JDP2: variants seen among roughly 807,000 people sequenced by gnomAD.
The protein encoded by JDP2 is progesterone receptor co-activator.
Under a neutral mutation model 17.1 loss-of-function variants are expected in JDP2, and 9 were observed. The ratio of observed to expected loss-of-function variants is 0.53; its 90% CI spans 0.32 to 0.92. JDP2 has a LOEUF of 0.92. Among genes scored for constraint, JDP2 ranks in the 40% least tolerant of loss-of-function variants. The pLI is 0.04. For synonymous variants in JDP2, 107 were observed against 95.6 expected, an observed-to-expected ratio of 1.12 and a Z score of -0.69; for missense variants, 179 against 220.0, an observed-to-expected ratio of 0.81 and a Z score of 1.18.
At chr14:75,459,973 T>C (rs970239312) in intron 2 of JDP2, among the ~76,000 whole-genome samples, 1 of 152,196 alleles carries the variant, frequency 6.6e-6, no homozygotes, top group Non-Finnish European at 1.5e-5. Context: ...CTTGGGCAAA[T>C]TGAACTATTG....
intron 2 of JDP2, among the ~76,000 whole-genome samples, chr14:75,448,403 T>G (rs1279754585): frequency 6.6e-6 from 1 of 152,160 alleles, no homozygotes; most frequent in Admixed American, 6.5e-5. Flanking sequence ...ATTCTGATGC[T>G]CTCTGCACAT....
At chr14:75,445,162 C>T in intron 2 of JDP2, 2 of 985,124 alleles carry the variant, frequency 2.0e-6, no homozygotes, top group Middle Eastern at 5.2e-4. Context: ...GGCTGAACAA[C>T]TATGAAGCCA....
At chr14:75,468,749 C>A (rs1301836531) in intron 3 of JDP2, among the ~76,000 whole-genome samples, 1 of 152,228 alleles carries the variant, frequency 6.6e-6, no homozygotes, top group Non-Finnish European at 1.5e-5. Context: ...AGCTAGGAAG[C>A]ACATGTTTTA....
At chr14:75,434,782 G>A (rs1884984616) in intron 1 of JDP2, among the ~76,000 whole-genome samples, 1 of 152,060 alleles carries the variant, frequency 6.6e-6, no homozygotes, top group African/African-American at 2.4e-5. Flanking sequence ...TTTTTCTTGG[G>A]GTCTACTGTG....
In JDP2 at chr14:75,430,636, T is replaced by A. The variant is rs1336954490; in HGVS notation, c.-24+2384T>A. On this transcript the variant is annotated intron_variant, in intron 1 of 3. Transcript: ENST00000651602. The surrounding 1 kb of genome is among the most constrained non-coding windows in gnomAD (Gnocchi z 4.5). Reference sequence around the variant, plus strand: ...GGGTGAGAACACTGTTTTGGCTGCGTCCCGGGCCATATGCAGCGTATGGTG... The same window carrying A: ...GGGTGAGAACACTGTTTTGGCTGCGACCCGGGCCATATGCAGCGTATGGTG... Among the ~76,000 whole-genome samples the A allele has an allele frequency of 6.6e-6, 1 of 152,146 alleles. No homozygotes were observed. The highest frequency in any genetic ancestry group is 2.4e-5 in the African/African-American group (1 of 41,426).
At chr14:75,449,470 G>A (rs1241493028) in intron 2 of JDP2, among the ~76,000 whole-genome samples, 2 of 152,212 alleles carry the variant, frequency 1.3e-5, no homozygotes, top group Non-Finnish European at 2.9e-5. Flanking sequence ...AGTTTCAGCT[G>A]TATTATTAAC....
In JDP2 at chr14:75,469,464, GAGA is replaced by G. The variant is rs745533812; in HGVS notation, c.487_489del (p.Lys163del). ...AGGCAACCCACTGCTCGAGCAGCTC[GAGA>G]AGAAGTGACCATGGGCTGGGAGGAG... On this transcript the variant is annotated inframe_deletion, in exon 4 of 4. Transcript: ENST00000651602. 2.7e-5 allele frequency: 44 copies of G among 1,613,332 alleles called. No individual in the cohort carries two copies. The highest frequency in any genetic ancestry group is 3.3e-4 in the Middle Eastern group (2 of 6,052).
In JDP2 at chr14:75,442,390, C is replaced by T. The variant is rs376570543; in HGVS notation, c.201+4269C>T. Among the ~76,000 whole-genome samples the T allele has an allele frequency of 1.1e-4, 16 of 152,236 alleles. No individual in the cohort carries two copies. In the East Asian group the frequency reaches 2.3e-3, roughly 22 times the overall value. On this transcript the variant is annotated intron_variant, in intron 2 of 3. Transcript: ENST00000651602. ...TATTTGTATACAGCCTTGAGTTCAC[C>T]GCATTCCCCACTACTCACTGATGTC...
At chr14:75,432,892 AG>A (rs989005904) in intron 1 of JDP2, among the ~76,000 whole-genome samples, 3 of 152,084 alleles carry the variant, frequency 2.0e-5, no homozygotes, top group African/African-American at 7.2e-5. Context: ...TATCATTTAT[AG>A]ACACTTCCAT....
At chr14:75,438,691 C>T (rs1046539435) in intron 2 of JDP2, among the ~76,000 whole-genome samples, 2 of 152,196 alleles carry the variant, frequency 1.3e-5, no homozygotes, top group Non-Finnish European at 1.5e-5. Context: ...CAGCAGTGTC[C>T]GCCTTAGATG....
chr14:75,431,439 T>C (rs1429611834), intron 1 of JDP2, among the ~76,000 whole-genome samples: 1 of 152,224 alleles, frequency 6.6e-6, no homozygotes, highest in East Asian at 1.9e-4. Context: ...CCGCTCCTTG[T>C]CTTCTTATGA....
At chr14:75,468,524 T>C (rs547706505) in intron 3 of JDP2, among the ~76,000 whole-genome samples, 6 of 152,304 alleles carry the variant, frequency 3.9e-5, no homozygotes, top group African/African-American at 1.4e-4. Flanking sequence ...ACGATGGACA[T>C]GTAACCCTCG....
chr14:75,443,618 G>A lies in JDP2; in HGVS notation c.201+5497G>A, dbSNP rs144050961. ...ATGAGTGATAGTTAAAGGCAGCTAT[G>A]AGTGTGTTTAACATTGGCCCCTGTG... On this transcript the variant is annotated intron_variant, in intron 2 of 3. Coordinates refer to ENST00000651602, the MANE Select transcript of JDP2 (RefSeq NM_001135048.2). 8.2e-3 allele frequency among the ~76,000 whole-genome samples: 1,252 copies of A among 152,314 alleles called. 4 individuals are homozygous for A. Among genetic ancestry groups the A allele is most frequent in the South Asian group, 0.025 (120 of 4,824 alleles).
At chr14:75,455,427 G>A (rs1886058151) in intron 2 of JDP2, among the ~76,000 whole-genome samples, 2 of 152,126 alleles carry the variant, frequency 1.3e-5, no homozygotes, top group South Asian at 2.1e-4. Context: ...ATTCATACAC[G>A]AGATAGTCTT....
At chr14:75,458,689 T>C (rs1015607832) in intron 2 of JDP2, among the ~76,000 whole-genome samples, 6 of 152,152 alleles carry the variant, frequency 3.9e-5, no homozygotes, top group Non-Finnish European at 7.4e-5. Context: ...TACTCAGGAA[T>C]GAGATTGCTG....
intron 2 of JDP2, among the ~76,000 whole-genome samples, chr14:75,454,773 T>G (rs917241206): frequency 7.3e-5 from 11 of 151,542 alleles, no homozygotes; most frequent in African/African-American, 2.7e-4. Context: ...GAAGAACTTG[T>G]CGTTTTGAGG....
chr14:75,454,187 C>T (rs1885999035), intron 2 of JDP2, among the ~76,000 whole-genome samples: 1 of 152,162 alleles, frequency 6.6e-6, no homozygotes, highest in African/African-American at 2.4e-5. Context: ...CTCCTTTAAA[C>T]CATGGAGCTT....
chr14:75,467,837 G>A (rs1180599616), intron 3 of JDP2, among the ~76,000 whole-genome samples: 5 of 152,146 alleles, frequency 3.3e-5, no homozygotes, highest in Admixed American at 3.3e-4. Flanking sequence ...AACCACCAGA[G>A]CTGGTTTTTA....
chr14:75,427,556 G>A (rs1194967180), upstream of JDP2: 2 of 152,816 alleles, frequency 1.3e-5, no homozygotes, highest in Non-Finnish European at 2.9e-5. This position sits in a 1 kb window ranked among gnomAD's most constrained non-coding sequence, Gnocchi z 4.4. Flanking sequence ...CCGGGACTGA[G>A]GTACATGGTT....
Sources: allele counts gnomAD v4.1 joint callset (sites outside exome capture counted in the v4.1 genomes callset), GRCh38; gene constraint gnomAD v4.1.1; non-coding constraint Gnocchi (gnomAD v3.1); transcripts MANE v1.5; gene names NCBI Gene and HGNC (gene_info 2026-07-23, HGNC 2026-07-21).